KCNQ3: variants seen among roughly 807,000 people sequenced by gnomAD.
The protein encoded by KCNQ3 is potassium voltage-gated channel subfamily KQT member 3.
KCNQ3 carries 30 observed loss-of-function variants against 92.5 expected under a neutral mutation model. That is an observed-to-expected ratio of 0.32 (90% confidence interval 0.24 to 0.44). KCNQ3 has a LOEUF of 0.44. Ranked by LOEUF, KCNQ3 falls within the 20% of genes least tolerant of loss-of-function variation. The probability of loss-of-function intolerance (pLI) is 1.00; values close to 1 mark genes in which losing one functional copy is unlikely to be tolerated. For missense variants in KCNQ3, 913 were observed against 1,140.3 expected (o/e 0.80, Z 2.87); for synonymous variants, 450 against 468.8 (o/e 0.96, Z 0.52).
At chr8:132,188,824 G>A (rs1012883464) in intron 1 of KCNQ3, among the ~76,000 whole-genome samples, 31 of 152,326 alleles carry the variant, frequency 2.0e-4, no homozygotes, top group African/African-American at 7.5e-4. Context: ...GAGCATCCAG[G>A]AGGGGCTGCA....
At chr8:132,194,750 G>T (rs1043372983) in intron 1 of KCNQ3, among the ~76,000 whole-genome samples, 1 of 152,160 alleles carries the variant, frequency 6.6e-6, no homozygotes, top group East Asian at 1.9e-4. Context: ...TCAAAAATTT[G>T]ATTAGCTGGA....
At chr8:132,367,271 A>T (rs777930310) in intron 1 of KCNQ3, among the ~76,000 whole-genome samples, 9 of 152,106 alleles carry the variant, frequency 5.9e-5, no homozygotes, top group Non-Finnish European at 1.5e-5. Flanking sequence ...TTCCTTCTTC[A>T]ATAAGATTAT....
At chr8:132,283,128 AAGATATCTAT>A (rs1816582281) in intron 1 of KCNQ3, among the ~76,000 whole-genome samples, 1 of 133,994 alleles carries the variant, frequency 7.5e-6, no homozygotes, top group Non-Finnish European at 1.6e-5. Flanking sequence ...TGTTTGGTGG[AAGATATCTAT>A]AGAAATTCTT....
intron 1 of KCNQ3, among the ~76,000 whole-genome samples, chr8:132,354,269 C>T (rs1311868862): frequency 6.6e-6 from 1 of 152,164 alleles, no homozygotes; most frequent in East Asian, 1.9e-4. Context: ...AGGGTCTCCA[C>T]CCCCATAGGT....
At chr8:132,249,190 T>C (rs146621757) in intron 1 of KCNQ3, among the ~76,000 whole-genome samples, 5,873 of 152,222 alleles carry the variant, frequency 0.039, 163 homozygotes, top group South Asian at 0.071. Flanking sequence ...GAACAAAGCT[T>C]CCACAGTGCA....
rs897593429 is a variant in KCNQ3, at chr8:132,127,777, A to G, written c.*1485T>C. ...CCATCAAAGTTTTTCAGAGAATAAC[A>G]ACATCTCATAAGAGGCCAGAGGATG... is the stretch of plus-strand genomic sequence containing the variant. On this transcript the variant is annotated 3_prime_UTR_variant, in exon 15 of 15. Coordinates refer to ENST00000388996, the MANE Select transcript of KCNQ3 (RefSeq NM_004519.4). 6.6e-6 allele frequency: 1 copy of G among 152,228 alleles called. No individual in the cohort carries two copies. Among genetic ancestry groups the G allele is most frequent in the Non-Finnish European group, 1.5e-5 (1 of 68,042 alleles). The allele number at this position is 152,228 out of a possible 1,614,324, so 9.4% of individuals were successfully genotyped here.
intron 1 of KCNQ3, among the ~76,000 whole-genome samples, chr8:132,226,066 T>TAG (rs1390128788): frequency 2.0e-5 from 3 of 152,116 alleles, no homozygotes; most frequent in Non-Finnish European, 4.4e-5. Context: ...GGTCAGGAGA[T>TAG]AGAGACCATC....
At chr8:132,371,506 G>C (rs1259334707) in intron 1 of KCNQ3, among the ~76,000 whole-genome samples, 4 of 152,192 alleles carry the variant, frequency 2.6e-5, no homozygotes, top group Non-Finnish European at 5.9e-5. Flanking sequence ...GGATGAGATG[G>C]AAATGACTGG....
intron 9 of KCNQ3, among the ~76,000 whole-genome samples, chr8:132,152,089 C>G (rs1825653493): frequency 6.6e-6 from 1 of 152,186 alleles, no homozygotes; most frequent in Non-Finnish European, 1.5e-5. Context: ...GTTTTAATCT[C>G]TTTCAAAAGA....
intron 1 of KCNQ3, among the ~76,000 whole-genome samples, chr8:132,189,130 C>A (rs569634961): frequency 1.3e-5 from 2 of 152,206 alleles, no homozygotes; most frequent in African/African-American, 2.4e-5. Flanking sequence ...TCCTCAAATT[C>A]TCTGAGCCCA....
intron 2 of KCNQ3, among the ~76,000 whole-genome samples, 168 bp downstream of exon 2, chr8:132,185,923 A>G (rs1346092185): frequency 2.0e-5 from 3 of 152,190 alleles, no homozygotes; most frequent in Non-Finnish European, 4.4e-5. Context: ...ACATGTGCCC[A>G]TGGCGGGCCA....
At chr8:132,145,833 G>A (rs906941407) in intron 9 of KCNQ3, among the ~76,000 whole-genome samples, 4 of 152,208 alleles carry the variant, frequency 2.6e-5, no homozygotes, top group Non-Finnish European at 5.9e-5. Flanking sequence ...CAGTAATCAA[G>A]GATTAAGATG....
chr8:132,383,817 T>C (rs1819820944), intron 1 of KCNQ3, among the ~76,000 whole-genome samples: 1 of 152,200 alleles, frequency 6.6e-6, no homozygotes, highest in South Asian at 2.1e-4. Flanking sequence ...CTCTGAGCAT[T>C]GCTGAGCAAG....
chr8:132,170,267 A>G (rs1240880870), intron 8 of KCNQ3, 67 bp downstream of exon 8: 1 of 1,153,114 alleles, frequency 8.7e-7, no homozygotes, highest in African/African-American at 1.5e-5. Flanking sequence ...GAGGCCACAG[A>G]CACGAATACA....
At chr8:132,213,728 G>C (rs934571259) in intron 1 of KCNQ3, among the ~76,000 whole-genome samples, 1 of 152,172 alleles carries the variant, frequency 6.6e-6, no homozygotes, top group Non-Finnish European at 1.5e-5. Context: ...GGTATTGCAA[G>C]CTCTGGTTTG....
At chr8:132,328,011 C>T (rs1010199692) in intron 1 of KCNQ3, among the ~76,000 whole-genome samples, 1 of 152,132 alleles carries the variant, frequency 6.6e-6, no homozygotes, top group African/African-American at 2.4e-5. Flanking sequence ...CCCCTCTACC[C>T]CAGAGCCAGC....
At chr8:132,410,961 C>G (rs549192410) in intron 1 of KCNQ3, among the ~76,000 whole-genome samples, 1 of 152,194 alleles carries the variant, frequency 6.6e-6, no homozygotes, top group Non-Finnish European at 1.5e-5. Context: ...GCATCTTGCT[C>G]CGGTATTTTC....
In KCNQ3 at chr8:132,458,727, T is replaced by A. The variant is rs144999370; in HGVS notation, c.386+21420A>T. Among the ~76,000 whole-genome samples the A allele has an allele frequency of 2.1e-4, 32 of 152,366 alleles. No individual in the cohort carries two copies. In the East Asian group the frequency reaches 6.2e-3, roughly 29 times the overall value. On this transcript the variant is annotated intron_variant, in intron 1 of 14. Transcript: ENST00000388996. The stretch of plus-strand genomic sequence containing the variant: ...GCCTTAGCCTCCCAAAGTGCTGGGA[T>A]TATAGGCATGAGCCACTGCACCTGG...
Position 132,303,657 on chromosome 8 carries a change from G to GGT in KCNQ3, c.387-117478_387-117477dup, listed in dbSNP as rs370335527. Among the ~76,000 whole-genome samples, 445 of 66,372 alleles carry GGT rather than the reference G, an allele frequency of 6.7e-3. 36 individuals carry two copies. Among genetic ancestry groups the GGT allele is most frequent in the African/African-American group, 0.025 (431 of 17,222 alleles). 43.5% of individuals were successfully genotyped at this position (66,372 alleles called of 152,430 possible). On this transcript the variant is annotated intron_variant, in intron 1 of 14. Coordinates refer to ENST00000388996, the MANE Select transcript of KCNQ3 (RefSeq NM_004519.4). ...GGTGTATATATATATATATATTTATGGTGTGTGTGTATATATATATACACA... is the reference window on the plus strand; with the variant it reads ...GGTGTATATATATATATATATTTATGGTGTGTGTGTGTATATATATATACACA...
Sources: allele counts gnomAD v4.1 joint callset (sites outside exome capture counted in the v4.1 genomes callset), GRCh38; gene constraint gnomAD v4.1.1; transcripts MANE v1.5; gene names NCBI Gene and HGNC (gene_info 2026-07-23, HGNC 2026-07-21).